The following OSBPL10 variants were observed in gnomAD, a reference collection of about 807,000 sequenced individuals.
OSBPL10 encodes the protein oxysterol binding protein like 10.
OSBPL10 carries 49 observed loss-of-function variants against 81.7 expected under a neutral mutation model. That is an observed-to-expected ratio of 0.60 (90% confidence interval 0.48 to 0.76). OSBPL10 has a LOEUF of 0.76. OSBPL10 is among the 30% of genes least tolerant of loss of function. The probability of loss-of-function intolerance (pLI) is 0.00; values close to 1 mark genes in which losing one functional copy is unlikely to be tolerated. For missense variants in OSBPL10, 923 were observed against 987.8 expected (o/e 0.93, Z 0.88); for synonymous variants, 419 against 383.6 (o/e 1.09, Z -1.08).
chr3:31,668,632 C>G lies in OSBPL10; in HGVS notation c.2096+10G>C. 6.2e-7 allele frequency: 1 copy of G among 1,605,008 alleles called. No homozygotes were observed. Among genetic ancestry groups the G allele is most frequent in the Non-Finnish European group, 8.5e-7 (1 of 1,174,684 alleles). ...CTAAGCTGGAGAGGAAGACACAGCC[C>G]GGTTCTCACCTGGACTCCATGGGTC... On this transcript the variant is annotated intron_variant, in intron 10 of 11. Transcript: ENST00000396556.
intron 2 of OSBPL10, among the ~76,000 whole-genome samples, chr3:32,035,308 T>G (rs1370946029): frequency 1.3e-5 from 2 of 152,142 alleles, no homozygotes; most frequent in Non-Finnish European, 2.9e-5. Flanking sequence ...ATGCCTGTAA[T>G]CCCAGCACTT....
At chr3:31,748,349 GGGGCCATTA>G (rs1697602021) in intron 4 of OSBPL10, among the ~76,000 whole-genome samples, 1 of 152,140 alleles carries the variant, frequency 6.6e-6, no homozygotes, top group Admixed American at 6.5e-5. Context: ...CAAGCTAAAA[GGGGCCATTA>G]GGGCCATCTG....
chr3:31,927,553 TTAAC>T (rs1315427218), intron 1 of OSBPL10, among the ~76,000 whole-genome samples: 2 of 152,112 alleles, frequency 1.3e-5, no homozygotes, highest in Admixed American at 6.5e-5. Context: ...CAGAGTCATC[TTAAC>T]TATTTTTTAA....
At chr3:31,734,016 G>GAA (rs34907375) in intron 5 of OSBPL10, among the ~76,000 whole-genome samples, 15,045 of 148,544 alleles carry the variant, frequency 0.1, 1,399 homozygotes, top group African/African-American at 0.26. Context: ...TCTCAAAAAA[G>GAA]AAAAAAAAAA....
chr3:31,949,120 T>C (rs977275870), intron 1 of OSBPL10, among the ~76,000 whole-genome samples: 8 of 152,114 alleles, frequency 5.3e-5, no homozygotes, highest in South Asian at 2.1e-4. Flanking sequence ...TAAGGGGAAG[T>C]TGGGGAAAGA....
chr3:31,912,077 CCAT>C (rs1696595791), intron 1 of OSBPL10, among the ~76,000 whole-genome samples: 1 of 151,714 alleles, frequency 6.6e-6, no homozygotes, highest in Non-Finnish European at 1.5e-5. Flanking sequence ...GTATATTTTA[CCAT>C]AATAAAACAA....
chr3:32,028,011 G>A (rs1201857909), intron 2 of OSBPL10, among the ~76,000 whole-genome samples: 1 of 152,194 alleles, frequency 6.6e-6, no homozygotes, highest in East Asian at 1.9e-4. Flanking sequence ...TTCTGGAAGT[G>A]AGTGCCACCT....
intron 6 of OSBPL10, among the ~76,000 whole-genome samples, chr3:31,723,113 G>A (rs1696700166): frequency 6.6e-6 from 1 of 152,170 alleles, no homozygotes; most frequent in African/African-American, 2.4e-5. Context: ...TATTAGTAAT[G>A]TGGTCATTTA....
At chr3:31,799,527 C>A (rs966306885) in intron 4 of OSBPL10, among the ~76,000 whole-genome samples, 1 of 150,172 alleles carries the variant, frequency 6.7e-6, no homozygotes, top group African/African-American at 2.4e-5. Flanking sequence ...TCTAGTGCCT[C>A]GTTTGTAAAA....
intron 3 of OSBPL10, among the ~76,000 whole-genome samples, chr3:31,871,283 G>A (rs190159757): frequency 2.0e-5 from 3 of 152,168 alleles, no homozygotes; most frequent in African/African-American, 2.4e-5. Flanking sequence ...CCACCGGGAG[G>A]AAGGAACAAC....
At chr3:31,969,214 G>A (rs1446664399) in intron 1 of OSBPL10, among the ~76,000 whole-genome samples, 2 of 152,154 alleles carry the variant, frequency 1.3e-5, no homozygotes, top group Non-Finnish European at 2.9e-5. Flanking sequence ...AATGAATTGG[G>A]AGGCCTCTGC....
chr3:31,726,492 T>C (rs1318992606), intron 6 of OSBPL10, among the ~76,000 whole-genome samples: 1 of 151,834 alleles, frequency 6.6e-6, no homozygotes. Flanking sequence ...AATTTTTGTA[T>C]TTTTAGTAGA....
chr3:31,711,745 G>A (rs1282890266), intron 6 of OSBPL10, among the ~76,000 whole-genome samples: 4 of 152,130 alleles, frequency 2.6e-5, no homozygotes, highest in Non-Finnish European at 5.9e-5. Flanking sequence ...TGTTTTTGAG[G>A]TGATGAAAAT....
At chr3:32,028,544 CA>C (rs780910340) in intron 2 of OSBPL10, among the ~76,000 whole-genome samples, 30 of 152,100 alleles carry the variant, frequency 2.0e-4, no homozygotes, top group Non-Finnish European at 3.4e-4. Flanking sequence ...TACATACATA[CA>C]CATATACACA....
At chr3:31,754,810 C>T (rs749077110) in intron 4 of OSBPL10, among the ~76,000 whole-genome samples, 5 of 152,260 alleles carry the variant, frequency 3.3e-5, no homozygotes, top group South Asian at 4.2e-4. Flanking sequence ...CTCTCAGTTT[C>T]GGTGTCAGAT....
intron 1 of OSBPL10, among the ~76,000 whole-genome samples, chr3:32,051,611 T>C (rs989159742): frequency 6.6e-6 from 1 of 152,200 alleles, no homozygotes; most frequent in African/African-American, 2.4e-5. Flanking sequence ...AGACCCTTAA[T>C]TTTTGTGGAT....
In OSBPL10 at chr3:31,930,003, C is replaced by CAAACAAAAAA. The variant is rs1306473764; in HGVS notation, c.282-50174_282-50173insTTTTTTGTTT. Among the ~76,000 whole-genome samples, 538 of 72,546 alleles carry CAAACAAAAAA rather than the reference C, an allele frequency of 7.4e-3. 68 individuals are homozygous for CAAACAAAAAA. The highest frequency in any genetic ancestry group is 0.01 in the Non-Finnish European group (392 of 38,430). 47.6% of individuals were successfully genotyped at this position (72,546 alleles called of 152,430 possible). On this transcript the variant is annotated intron_variant, in intron 1 of 11. Transcript: ENST00000396556. ...GATCAAGTGAGACCCTGTCACCAAC[C>CAAACAAAAAA]AAAAAAAAAAAAAAAAAAAAAAACA...
intron 4 of OSBPL10, among the ~76,000 whole-genome samples, chr3:31,829,628 G>C (rs912560103): frequency 6.6e-6 from 1 of 152,114 alleles, no homozygotes; most frequent in Non-Finnish European, 1.5e-5. Flanking sequence ...CAGGAGAGGA[G>C]AGAAAGAAAG....
intron 4 of OSBPL10, among the ~76,000 whole-genome samples, chr3:31,810,077 G>A (rs962253169): frequency 6.6e-6 from 1 of 151,822 alleles, no homozygotes; most frequent in Non-Finnish European, 1.5e-5. Flanking sequence ...CTCCATGTTG[G>A]TCAGGCTGGT....
Sources: allele counts gnomAD v4.1 joint callset (sites outside exome capture counted in the v4.1 genomes callset), GRCh38; gene constraint gnomAD v4.1.1; transcripts MANE v1.5; gene names NCBI Gene and HGNC (gene_info 2026-07-23, HGNC 2026-07-21).